Variants in ABCA10 observed in about 807,000 individuals in gnomAD.
ABCA10 encodes ATP binding cassette subfamily A member 10, also known as ATP-binding cassette sub-family A member 10.
In ABCA10, 169 loss-of-function variants were observed where a neutral mutation model predicts 187.5. The ratio of observed to expected loss-of-function variants is 0.90; its 90% CI spans 0.80 to 1.02. ABCA10 has a LOEUF of 1.02. ABCA10 is among the 50% of genes least tolerant of loss of function. The pLI, the probability that ABCA10 is intolerant of heterozygous loss-of-function variation, is 0.00. For synonymous variants in ABCA10, 574 were observed against 601.8 expected (o/e 0.95, Z 0.68); for missense variants, 1,727 against 1,812.4 (o/e 0.95, Z 0.86).
rs59069489 is a variant in ABCA10 at position 69,195,554 on chromosome 17, C to CTTTT, written c.1235-1063_1235-1060dup. 3.6e-4 allele frequency among the ~76,000 whole-genome samples: 37 copies of CTTTT among 102,974 alleles called. 1 individual carries two copies. Among genetic ancestry groups the CTTTT allele is most frequent in the African/African-American group, 1.2e-3 (30 of 24,084 alleles). The allele number at this position is 102,974 out of a possible 152,430, so 67.6% of individuals were successfully genotyped here. Reference sequence around the variant, plus strand: ...AGCATTATCAAACAATGAAGTTTTTCTTTTTTTTTTTTTTTTTTAGTATTT... The same window carrying CTTTT: ...AGCATTATCAAACAATGAAGTTTTTCTTTTTTTTTTTTTTTTTTTTTTAGTATTT... On this transcript the variant is annotated intron_variant, in intron 11 of 38. Transcript: ENST00000690296.
Position 69,218,614 on chromosome 17 carries a change from T to C in ABCA10, c.530+931A>G, listed in dbSNP as rs534138719. ...ATACTTAAAGGAATGGATGAATGCA[T>C]AGATATATATATAAATGCATAGACT... is the stretch of plus-strand genomic sequence containing the variant. On this transcript the variant is annotated intron_variant, in intron 6 of 38. Transcript: ENST00000690296. Among the ~76,000 whole-genome samples the C allele has an allele frequency of 5.3e-5, 8 of 151,978 alleles. 1 individual carries two copies. The highest frequency in any genetic ancestry group is 1.5e-4 in the African/African-American group (6 of 41,290).
chr17:69,175,460 C>A lies in ABCA10; in HGVS notation c.2823G>T (p.Leu941Phe). Residue 941 changes from leucine (L) to phenylalanine (F), a missense_variant, in exon 23 of 39, where the codon TTG becomes TTT. Transcript: ENST00000690296. ...TAAAAGGAGAAACGCAGTTTGTGATCAACAACAAAAATATGGACCCATCTA... is the reference window on the plus strand; with the variant it reads ...TAAAAGGAGAAACGCAGTTTGTGATAAACAACAAAAATATGGACCCATCTA... ...GFIDGSIFLL[L>F]ITNCVSPFIG... The A allele has an allele frequency of 1.2e-6, 2 of 1,612,028 alleles. No individual in the cohort carries two copies. The highest frequency in any genetic ancestry group is 2.2e-5 in the South Asian group (2 of 90,892).
chr17:69,203,997 C>T (rs2074569819), intron 9 of ABCA10, among the ~76,000 whole-genome samples: 1 of 152,192 alleles, frequency 6.6e-6, no homozygotes, highest in African/African-American at 2.4e-5. Flanking sequence ...CACAGATCAT[C>T]ACCAATACTT....
rs2074544199 is a variant in ABCA10, at chr17:69,201,480, T to C, written c.1175+20A>G. ...AGCTTTTACCTATAAGTGTACATAG[T>C]CATGTAATTTCTTAGTTACCTTATG... On this transcript the variant is annotated intron_variant, in intron 10 of 38. Coordinates refer to ENST00000690296, the MANE Select transcript of ABCA10 (RefSeq NM_001377321.1). The C allele has an allele frequency of 1.9e-6, 3 of 1,550,728 alleles. No homozygotes were observed. The highest frequency in any genetic ancestry group is 1.4e-5 in the African/African-American group (1 of 72,276).
At chr17:69,202,501 G>A (rs975374399) in intron 9 of ABCA10, among the ~76,000 whole-genome samples, 3 of 152,080 alleles carry the variant, frequency 2.0e-5, no homozygotes, top group Admixed American at 6.5e-5. Context: ...ACATAGAAAG[G>A]AAGAAAATTA....
chr17:69,202,020 C>T (rs944075109), intron 9 of ABCA10, among the ~76,000 whole-genome samples: 11 of 152,104 alleles, frequency 7.2e-5, no homozygotes, highest in Admixed American at 1.3e-4. Flanking sequence ...CAACCTCAGG[C>T]GATCCGCCCA....
At chr17:69,234,956 T>A (rs1006467588) in intron 1 of ABCA10, 10 of 152,236 alleles carry the variant, frequency 6.6e-5, no homozygotes, top group Admixed American at 1.3e-4. Context: ...GTGGGAATTA[T>A]CAATTAAATT....
intron 23 of ABCA10, 120 bp from the exon 24 acceptor site, chr17:69,174,897 A>G (rs1402388200): frequency 2.8e-5 from 23 of 823,512 alleles, no homozygotes; most frequent in South Asian, 4.2e-5. Flanking sequence ...GTGTGACAAA[A>G]AGCATCCTCC....
intron 6 of ABCA10, among the ~76,000 whole-genome samples, chr17:69,217,009 G>A (rs1294793771): frequency 6.6e-6 from 1 of 152,292 alleles, no homozygotes; most frequent in East Asian, 1.9e-4. Context: ...CACTTTGGGA[G>A]GTTGAGGCAG....
At chr17:69,204,266 T>A (rs1397216926) in intron 9 of ABCA10, among the ~76,000 whole-genome samples, 1 of 152,240 alleles carries the variant, frequency 6.6e-6, no homozygotes, top group Non-Finnish European at 1.5e-5. Flanking sequence ...TATGATATAC[T>A]ATTTCACGTT....
intron 9 of ABCA10, among the ~76,000 whole-genome samples, chr17:69,207,357 C>T (rs1234489799): frequency 6.6e-6 from 1 of 152,140 alleles, no homozygotes; most frequent in African/African-American, 2.4e-5. Flanking sequence ...AAAAATAGAA[C>T]TACCACATGA....
intron 1 of ABCA10, among the ~76,000 whole-genome samples, chr17:69,239,405 T>C (rs2074890820): frequency 6.6e-6 from 1 of 152,192 alleles, no homozygotes; most frequent in African/African-American, 2.4e-5. Context: ...TTTTAGTAAA[T>C]AAATGCTCTA....
At chr17:69,236,495 T>C (rs2074872122) in intron 1 of ABCA10, among the ~76,000 whole-genome samples, 1 of 152,176 alleles carries the variant, frequency 6.6e-6, no homozygotes, top group Non-Finnish European at 1.5e-5. Flanking sequence ...AATGTATTTA[T>C]TACAAGATTA....
At chr17:69,216,810 A>G (rs145547735) in intron 6 of ABCA10, among the ~76,000 whole-genome samples, 2,603 of 152,252 alleles carry the variant, frequency 0.017, 67 homozygotes, top group African/African-American at 0.059. Flanking sequence ...ATTCTTCTGA[A>G]TGTTTAACAG....
chr17:69,196,884 G>A (rs948804169), intron 11 of ABCA10, among the ~76,000 whole-genome samples, 180 bp downstream of exon 11: 16 of 152,152 alleles, frequency 1.1e-4, no homozygotes, highest in South Asian at 2.1e-4. Flanking sequence ...GTGGCAGCAC[G>A]CGCCTGCAAT....
Position 69,216,282 on chromosome 17 carries a change from G to T in ABCA10, c.607C>A (p.Pro203Thr), listed in dbSNP as rs9909216. The T allele has an allele frequency of 4.3e-6, 7 of 1,613,138 alleles. No individual in the cohort carries two copies. In the Middle Eastern group the frequency reaches 6.6e-4, roughly 152 times the overall value. The change falls in exon 7 of 39, where the codon CCA (proline) becomes ACA (threonine). Residue 203 changes from proline (P) to threonine (T), a missense_variant. Pro to Thr is a conservative substitution (Grantham distance 38). Transcript: ENST00000690296. The part of the protein sequence containing the change: ...IFMALVITSI[P>T]IVFHTGFMVI... Reference sequence around the variant, plus strand: ...ATGAAGCCAGTATGAAATACAATTGGGATTGATGTTATGACCAGAGCCATA... The same window carrying T: ...ATGAAGCCAGTATGAAATACAATTGTGATTGATGTTATGACCAGAGCCATA...
At chr17:69,203,639 T>C (rs993036543) in intron 9 of ABCA10, among the ~76,000 whole-genome samples, 2 of 152,234 alleles carry the variant, frequency 1.3e-5, no homozygotes, top group African/African-American at 4.8e-5. Context: ...CCATTCTTCA[T>C]GCAGCTGCCA....
rs147741160 is a variant in ABCA10, at chr17:69,182,700, G to T, written c.2606C>A (p.Ala869Asp). ...NGSDDPSYNG[A>D]IIVSGDQKDY... is the part of the protein sequence containing the mutation. Reference sequence around the variant, plus strand: ...CTTCTGGTCACCAGACACTATGATGGCTCCATTGTAGGAGGGATCATCTGA... The same window carrying T: ...CTTCTGGTCACCAGACACTATGATGTCTCCATTGTAGGAGGGATCATCTGA... The change falls in exon 21 of 39, where the codon GCC (alanine) becomes GAC (aspartate). Residue 869 changes from alanine (A) to aspartate (D), a missense_variant. Transcript: ENST00000690296. 2.8e-5 allele frequency: 45 copies of T among 1,607,900 alleles called. No homozygotes were observed. The highest frequency in any genetic ancestry group is 3.6e-5 in the Non-Finnish European group (42 of 1,177,906).
rs1029498136 is a variant in ABCA10 at position 69,221,817 on chromosome 17, G to A, written c.278C>T (p.Ala93Val). ...YWLKGFVAFQ[A>V]AINAAIIEVT... ...TTCTATAATTGCAGCATTAATTGCA[G>A]CTTGAAAAGCTACAAACCCTTTTAG... Residue 93 changes from alanine to valine, a missense_variant, in exon 5 of 39, where the codon GCT (alanine) becomes GTT (valine). Ala to Val is a moderately conservative substitution (Grantham distance 64). Transcript: ENST00000690296. 8.7e-6 allele frequency: 14 copies of A among 1,613,020 alleles called. No individual in the cohort carries two copies. The highest frequency in any genetic ancestry group is 1.0e-5 in the Non-Finnish European group (12 of 1,179,604).
Sources: gnomAD v4.1 joint callset for allele counts (sites outside exome capture counted in the v4.1 genomes callset) on GRCh38, gnomAD v4.1.1 for gene constraint, MANE v1.5 for transcripts, NCBI Gene and HGNC (gene_info 2026-07-23, HGNC 2026-07-21) for gene names.